FMN2: variants seen among roughly 807,000 people sequenced by gnomAD.
FMN2 encodes formin-2.
FMN2 carries 51 observed loss-of-function variants against 142.3 expected under a neutral mutation model. The ratio of observed to expected loss-of-function variants is 0.36; its 90% CI spans 0.29 to 0.45. FMN2 has a LOEUF of 0.45. FMN2 is among the 20% of genes least tolerant of loss of function. The pLI is 1.00. For synonymous variants in FMN2, 882 were observed against 869.8 expected (o/e 1.01, Z -0.25); for missense variants, 1,936 against 2,122.8 (o/e 0.91, Z 1.73).
At chr1:240,403,533 T>C (rs959200521) in intron 15 of FMN2, among the ~76,000 whole-genome samples, 1 of 152,010 alleles carries the variant, frequency 6.6e-6, no homozygotes, top group African/African-American at 2.4e-5. Context: ...ACTCGAGAGG[T>C]TGAGGCAAGA....
intron 8 of FMN2, among the ~76,000 whole-genome samples, chr1:240,316,388 A>G (rs2102993939): frequency 6.6e-6 from 1 of 152,300 alleles, no homozygotes; most frequent in Non-Finnish European, 1.5e-5. Context: ...ATGGATGTAA[A>G]AATCTATAAT....
At chr1:240,370,978 G>A (rs1447522822) in intron 14 of FMN2, among the ~76,000 whole-genome samples, 1 of 152,082 alleles carries the variant, frequency 6.6e-6, no homozygotes, top group African/African-American at 2.4e-5. Context: ...TTGCTCTATT[G>A]CCCAGGCTGG....
intron 4 of FMN2, among the ~76,000 whole-genome samples, chr1:240,192,191 G>A (rs1319135055): frequency 6.6e-6 from 1 of 152,118 alleles, no homozygotes; most frequent in African/African-American, 2.4e-5. Flanking sequence ...TTTATGCAGT[G>A]GCCACTCAGT....
intron 2 of FMN2, among the ~76,000 whole-genome samples, chr1:240,154,320 C>T (rs746909578): frequency 7.2e-5 from 11 of 151,982 alleles, no homozygotes; most frequent in Non-Finnish European, 8.8e-5. Context: ...AATAAACACC[C>T]GTGTAAGTGG....
At chr1:240,193,803 T>G (rs2103357921) in intron 4 of FMN2, among the ~76,000 whole-genome samples, 1 of 152,312 alleles carries the variant, frequency 6.6e-6, no homozygotes, top group South Asian at 2.1e-4. Context: ...TTCTAATCTC[T>G]CCTCCACAAT....
At chr1:240,394,957 G>A (rs1268037142) in intron 15 of FMN2, among the ~76,000 whole-genome samples, 1 of 152,118 alleles carries the variant, frequency 6.6e-6, no homozygotes, top group Non-Finnish European at 1.5e-5. Flanking sequence ...GACAGAGTGA[G>A]ACTCATTCTC....
At chr1:240,450,211 A>G (rs979272769) in intron 16 of FMN2, among the ~76,000 whole-genome samples, 4 of 152,208 alleles carry the variant, frequency 2.6e-5, no homozygotes, top group African/African-American at 4.8e-5. Context: ...AATTCCTAAA[A>G]TAATGTAAAA....
intron 15 of FMN2, among the ~76,000 whole-genome samples, chr1:240,417,400 TTTAA>T (rs1674613420): frequency 6.6e-6 from 1 of 151,952 alleles, no homozygotes. Context: ...GTGAAGCTAC[TTTAA>T]TTAAATTCCC....
At chr1:240,126,077 G>A (rs1485460389) in intron 2 of FMN2, among the ~76,000 whole-genome samples, 2 of 152,194 alleles carry the variant, frequency 1.3e-5, no homozygotes, top group East Asian at 1.9e-4. Flanking sequence ...TAGCAGCTCA[G>A]TAACAGAACT....
At chr1:240,285,783 A>G (rs1236307194) in intron 7 of FMN2, among the ~76,000 whole-genome samples, 1 of 152,224 alleles carries the variant, frequency 6.6e-6, no homozygotes, top group African/African-American at 2.4e-5. Flanking sequence ...CTCAGTAATC[A>G]GAGCAAAGAC....
At chr1:240,368,973 A>AT (rs1553370035) in intron 14 of FMN2, among the ~76,000 whole-genome samples, 49 of 151,254 alleles carry the variant, frequency 3.2e-4, no homozygotes, top group Non-Finnish European at 2.8e-4. Flanking sequence ...ATATATATAT[A>AT]AACACAGAGT....
intron 15 of FMN2, among the ~76,000 whole-genome samples, chr1:240,395,279 G>T (rs1042783481): frequency 2.6e-5 from 4 of 152,204 alleles, no homozygotes; most frequent in African/African-American, 4.8e-5. Context: ...CCATGCACTT[G>T]GTCACCCAGG....
intron 7 of FMN2, among the ~76,000 whole-genome samples, chr1:240,293,137 G>A (rs1033461225): frequency 6.6e-6 from 1 of 152,138 alleles, no homozygotes; most frequent in Non-Finnish European, 1.5e-5. Flanking sequence ...ATAGAAAGAT[G>A]AGAAACCTCA....
At chr1:240,245,094 C>T (rs1462449755) in intron 6 of FMN2, among the ~76,000 whole-genome samples, 1 of 152,082 alleles carries the variant, frequency 6.6e-6, no homozygotes. Flanking sequence ...AGAAGTGGCT[C>T]CTAAGTCAGC....
chr1:240,122,639 G>C (rs990518240), intron 1 of FMN2, among the ~76,000 whole-genome samples: 5 of 152,142 alleles, frequency 3.3e-5, no homozygotes, highest in Non-Finnish European at 7.3e-5. Flanking sequence ...AAAGGGAGCT[G>C]AGTGAGGTGG....
intron 15 of FMN2, among the ~76,000 whole-genome samples, chr1:240,435,265 G>A (rs1675327405): frequency 1.3e-5 from 2 of 151,668 alleles, no homozygotes; most frequent in Non-Finnish European, 2.9e-5. Flanking sequence ...AAAAACTGAG[G>A]CTCAGAAGTT....
intron 2 of FMN2, among the ~76,000 whole-genome samples, chr1:240,159,696 G>A (rs1203515593): frequency 3.3e-5 from 5 of 151,916 alleles, no homozygotes; most frequent in Non-Finnish European, 7.4e-5. Flanking sequence ...TAACCTGTTT[G>A]TGGGGAGCCA....
At chr1:240,140,452 C>A (rs948336683) in intron 2 of FMN2, among the ~76,000 whole-genome samples, 1 of 152,192 alleles carries the variant, frequency 6.6e-6, no homozygotes, top group Non-Finnish European at 1.5e-5. Flanking sequence ...TTTTGCATTT[C>A]TGGCTATCTC....
At chr1:240,110,351 C>T (rs12118961) in intron 1 of FMN2, among the ~76,000 whole-genome samples, 49,256 of 152,120 alleles carry the variant, frequency 0.32, 9,388 homozygotes, top group Non-Finnish European at 0.44. Flanking sequence ...CTGCCTACTT[C>T]ACAGAGCTGA....
Sources: gnomAD v4.1 joint callset for allele counts (sites outside exome capture counted in the v4.1 genomes callset) on GRCh38, gnomAD v4.1.1 for gene constraint, MANE v1.5 for transcripts, NCBI Gene and HGNC (gene_info 2026-07-23, HGNC 2026-07-21) for gene names.